The following MARS1 variants were observed in gnomAD, a reference collection of about 807,000 sequenced individuals.
MARS1 encodes methionyl-tRNA synthetase 1, also known as methionine--tRNA ligase, cytoplasmic.
MARS1 carries 80 observed loss-of-function variants against 119.5 expected under a neutral mutation model. The observed-to-expected ratio is 0.67, with a 90% CI of 0.56 to 0.81. The LOEUF (loss-of-function observed/expected upper bound fraction) is 0.81, where lower values mean the gene tolerates loss of function less well. Among genes scored for constraint, MARS1 ranks in the 30% least tolerant of loss-of-function variants. The probability of loss-of-function intolerance (pLI) is 0.00; values close to 1 mark genes in which losing one functional copy is unlikely to be tolerated. For missense variants in MARS1, 945 were observed against 1,116.5 expected, an observed-to-expected ratio of 0.85 and a Z score of 2.19; for synonymous variants, 418 against 433.4, an observed-to-expected ratio of 0.96 and a Z score of 0.44.
Position 57,493,175 on chromosome 12 carries a change from G to A in MARS1, c.770+2531G>A, listed in dbSNP as rs541620491. On this transcript the variant is annotated intron_variant, in intron 7 of 20. Transcript: ENST00000262027. ...TCACTAATTTGTAAGCTCATTGAAG[G>A]TAGAGGTGTCTCTTTTATGGGGCTC... Among the ~76,000 whole-genome samples the A allele has an allele frequency of 5.4e-5, 8 of 148,722 alleles. No individual in the cohort carries two copies. In the South Asian group the frequency reaches 1.0e-3, roughly 19 times the overall value.
intron 1 of MARS1, chr12:57,488,662 G>T: frequency 6.5e-7 from 1 of 1,549,748 alleles, no homozygotes; most frequent in South Asian, 1.2e-5. Flanking sequence ...AGGTTCTCTT[G>T]TAAGTCTTCT....
intron 7 of MARS1, among the ~76,000 whole-genome samples, chr12:57,497,863 A>C (rs1594818655): frequency 6.6e-6 from 1 of 152,148 alleles, no homozygotes; most frequent in East Asian, 1.9e-4. Context: ...AGAATGAGGT[A>C]ATAGAAAACA....
At chr12:57,492,669 T>TCTCA (rs1217908969) in intron 7 of MARS1, among the ~76,000 whole-genome samples, 327 of 139,536 alleles carry the variant, frequency 2.3e-3, no homozygotes, top group African/African-American at 6.7e-3. Context: ...CGACTCCATT[T>TCTCA]CACACACACA....
In MARS1 at chr12:57,504,249, T is replaced by A; in HGVS notation, c.1318T>A (p.Ser440Thr). Residue 440 changes from serine (S) to threonine (T), a missense_variant, in exon 11 of 21, where the codon TCA becomes ACA. Ser to Thr is a moderately conservative substitution (Grantham distance 58). Coordinates refer to ENST00000262027, the MANE Select transcript of MARS1 (RefSeq NM_004990.4). ...GAAGCCTCAGTGTAAAGTCTGCCGA[T>A]CATGCCCTGTGGTGCAGTCGAGCCA... ...LKKPQCKVCR[S>T]CPVVQSSQHL... 6.2e-7 allele frequency: 1 copy of A among 1,614,182 alleles called. No individual in the cohort carries two copies. The highest frequency in any genetic ancestry group is 2.2e-5 in the East Asian group (1 of 44,884).
chr12:57,489,039 A>C lies in MARS1; in HGVS notation c.130A>C (p.Thr44Pro). 6.2e-7 allele frequency: 1 copy of C among 1,612,404 alleles called. No homozygotes were observed. The highest frequency in any genetic ancestry group is 8.5e-7 in the Non-Finnish European group (1 of 1,179,698). The stretch of plus-strand genomic sequence containing the variant: ...ATCAGATTGTGTGGTCCCGTTCCTG[A>C]CCCGGCCTAAGGTCCCTGTCTTGCA... Reference protein sequence around the residue: ...GPEDCVVPFLTRPKVPVLQLD... With the variant: ...GPEDCVVPFLPRPKVPVLQLD... Residue 44 changes from threonine to proline, a missense_variant, in exon 2 of 21, where the codon ACC becomes CCC. Transcript: ENST00000262027.
Position 57,489,035 on chromosome 12 carries a change from C to T in MARS1, c.126C>T (p.Phe42=). 1 of 1,613,500 alleles carries T rather than the reference C, an allele frequency of 6.2e-7. No homozygotes were observed. The highest frequency in any genetic ancestry group is 8.5e-7 in the Non-Finnish European group (1 of 1,179,776). The change falls in exon 2 of 21, where the codon TTC becomes TTT. Residue 42 remains phenylalanine, a synonymous_variant. Coordinates refer to ENST00000262027, the MANE Select transcript of MARS1 (RefSeq NM_004990.4). ...TTGCATCAGATTGTGTGGTCCCGTT[C>T]CTGACCCGGCCTAAGGTCCCTGTCT... ...TVGPEDCVVP[F]LTRPKVPVLQ... is the part of the protein sequence containing the mutation.
rs1877099943 is a variant in MARS1 at position 57,504,725 on chromosome 12, CAG to C, written c.1368+429_1368+430del. On this transcript the variant is annotated intron_variant, in intron 11 of 20. Coordinates refer to ENST00000262027, the MANE Select transcript of MARS1 (RefSeq NM_004990.4). ...TTTTTTTTTTTTTTTTTTTTTGAGA[CAG>C]AGTTTCGCTCTTGTCGCCCAGGCTG... 6.9e-5 allele frequency among the ~76,000 whole-genome samples: 7 copies of C among 102,106 alleles called. No individual in the cohort carries two copies. In the South Asian group the frequency reaches 2.4e-3, roughly 35 times the overall value. The allele number at this position is 102,106 out of a possible 152,430, so 67.0% of individuals were successfully genotyped here. A position where few individuals can be genotyped will look rare whatever the true frequency, so the allele number is the denominator to read the frequency against.
chr12:57,498,532 G>A lies in MARS1; in HGVS notation c.1000G>A (p.Asp334Asn), dbSNP rs760487210. The change falls in exon 9 of 21, where the codon GAC becomes AAC. Residue 334 changes from aspartate to asparagine, a missense_variant. Asp to Asn is a conservative substitution (Grantham distance 23). Coordinates refer to ENST00000262027, the MANE Select transcript of MARS1 (RefSeq NM_004990.4). Reference sequence around the variant, plus strand: ...GGGACTAACCCCCCAGGAGATCTGCGACAAGTACCACATCATCCATGCTGA... The same window carrying A: ...GGGACTAACCCCCCAGGAGATCTGCAACAAGTACCACATCATCCATGCTGA... Reference protein sequence around the residue: ...EEGLTPQEICDKYHIIHADIY... With the variant: ...EEGLTPQEICNKYHIIHADIY... 2.1e-5 allele frequency: 34 copies of A among 1,614,104 alleles called. No individual in the cohort carries two copies. The Admixed American group carries it at 3.2e-4, about 15-fold the overall frequency.
chr12:57,490,115 A>G lies in MARS1; in HGVS notation c.491-92A>G, dbSNP rs1875818405. On this transcript the variant is annotated intron_variant, in intron 5 of 20. Coordinates refer to ENST00000262027, the MANE Select transcript of MARS1 (RefSeq NM_004990.4). ...ATGGTTGAGGGAACTGGGGAAAGCA[A>G]CTGGAGAAACCTCACAAAGAAGGGG... 2.1e-5 allele frequency: 31 copies of G among 1,495,008 alleles called. No homozygotes were observed. The South Asian group carries it at 3.6e-4, about 18-fold the overall frequency. 92.6% of individuals were successfully genotyped at this position (1,495,008 alleles called of 1,614,324 possible).
chr12:57,493,354 T>TATATAATATATGTTATATAA, intron 7 of MARS1, among the ~76,000 whole-genome samples: 1 of 74,602 alleles, frequency 1.3e-5, no homozygotes, highest in Non-Finnish European at 2.3e-5. Context: ...ATAATATATA[T>TATATAATATATGTTATATAA]TATATGATAT....
Position 57,489,080 on chromosome 12 carries a change from C to T in MARS1, c.171C>T (p.Asn57=). 2 of 1,614,038 alleles carry T rather than the reference C, an allele frequency of 1.2e-6. No individual in the cohort carries two copies. The highest frequency in any genetic ancestry group is 1.7e-6 in the Non-Finnish European group (2 of 1,180,020). Residue 57 remains asparagine, a synonymous_variant, in exon 2 of 21, where the codon AAC becomes AAT. Coordinates refer to ENST00000262027, the MANE Select transcript of MARS1 (RefSeq NM_004990.4). The part of the protein sequence containing the change: ...KVPVLQLDSG[N]YLFSTSAICR... Reference sequence around the variant, plus strand: ...CTGTCTTGCAGCTGGATAGCGGCAACTACCTCTTCTCCACTAGTGCAATCT... The same window carrying T: ...CTGTCTTGCAGCTGGATAGCGGCAATTACCTCTTCTCCACTAGTGCAATCT...
Position 57,504,242 on chromosome 12 carries a change from C to T in MARS1, c.1311C>T (p.Val437=), listed in dbSNP as rs763756001. The T allele has an allele frequency of 1.9e-6, 3 of 1,614,054 alleles. No homozygotes were observed. The African/African-American group carries it at 4.0e-5, about 22-fold the overall frequency. The change falls in exon 11 of 21, where the codon GTC becomes GTT. Residue 437 remains valine, a synonymous_variant. Coordinates refer to ENST00000262027, the MANE Select transcript of MARS1 (RefSeq NM_004990.4). ...CTTCGCAGAAGCCTCAGTGTAAAGT[C>T]TGCCGATCATGCCCTGTGGTGCAGT... ...AVELKKPQCK[V]CRSCPVVQSS...
intron 7 of MARS1, among the ~76,000 whole-genome samples, chr12:57,493,498 TA>T (rs1278425531): frequency 5.0e-4 from 3 of 5,948 alleles, no homozygotes; most frequent in African/African-American, 2.7e-3. Context: ...TAATATATTA[TA>T]ATATATAATA....
chr12:57,490,232 G>A lies in MARS1; in HGVS notation c.516G>A (p.Trp172Ter). 6.2e-7 allele frequency: 1 copy of A among 1,613,858 alleles called. No homozygotes were observed. Among genetic ancestry groups the A allele is most frequent in the Middle Eastern group, 1.7e-4 (1 of 5,870 alleles). Residue 172 changes from tryptophan (W) to a stop codon, truncating the protein, a stop_gained, in exon 6 of 21, where the codon TGG (tryptophan) becomes TGA (stop). Transcript: ENST00000262027. LOFTEE classifies it high-confidence loss of function. ...LPEELSALHS[W>*]FQTLSTQEPC... is the part of the protein sequence containing the mutation. The stretch of plus-strand genomic sequence containing the variant: ...AGGAGCTGAGTGCCCTGCACAGCTG[G>A]TTCCAGACACTGAGTACCCAGGAAC...
chr12:57,499,193 A>T (rs1876791740), intron 9 of MARS1, among the ~76,000 whole-genome samples: 1 of 150,640 alleles, frequency 6.6e-6, no homozygotes, highest in South Asian at 2.1e-4. Context: ...CTGAGGCAGA[A>T]GAATCTCTTG....
chr12:57,490,551 C>T lies in MARS1; in HGVS notation c.677C>T (p.Ala226Val). 3.1e-6 allele frequency: 5 copies of T among 1,614,124 alleles called. No individual in the cohort carries two copies. The South Asian group carries it at 5.5e-5, about 18-fold the overall frequency. The change falls in exon 7 of 21, where the codon GCT becomes GTT. Residue 226 changes from alanine to valine, a missense_variant. By Grantham distance (64) the Ala-to-Val change is moderately conservative (BLOSUM62 0). Coordinates refer to ENST00000262027, the MANE Select transcript of MARS1 (RefSeq NM_004990.4). ...VTNEPEEEEL[A>V]TLSEEEIAMA... Reference sequence around the variant, plus strand: ...CACTCTTTATAGGAGGAGGAGCTGGCTACCCTATCTGAGGAGGAGATTGCT... The same window carrying T: ...CACTCTTTATAGGAGGAGGAGCTGGTTACCCTATCTGAGGAGGAGATTGCT...
intron 7 of MARS1, among the ~76,000 whole-genome samples, chr12:57,491,670 A>G (rs996348634): frequency 1.3e-5 from 2 of 152,156 alleles, no homozygotes; most frequent in Non-Finnish European, 2.9e-5. Flanking sequence ...TTAGAATTCT[A>G]TCGATGGTTC....
intron 11 of MARS1, among the ~76,000 whole-genome samples, chr12:57,505,165 T>C (rs1172373037): frequency 1.0e-5 from 1 of 95,918 alleles, no homozygotes; most frequent in Non-Finnish European, 2.1e-5. Context: ...TCCTGATTTG[T>C]TTTTTTTTTT....
intron 10 of MARS1, among the ~76,000 whole-genome samples, chr12:57,502,477 C>T (rs934543994): frequency 2.0e-5 from 3 of 151,926 alleles, no homozygotes; most frequent in Non-Finnish European, 2.9e-5. Flanking sequence ...GAAGCTGAGG[C>T]GGCCGGATCA....
Sources: allele counts gnomAD v4.1 joint callset (sites outside exome capture counted in the v4.1 genomes callset), GRCh38; gene constraint gnomAD v4.1.1; transcripts MANE v1.5; gene names NCBI Gene and HGNC (gene_info 2026-07-23, HGNC 2026-07-21).